Variants in ACBD6 observed in about 807,000 individuals in gnomAD.
The protein encoded by ACBD6 is acyl-CoA binding domain containing 6.
ACBD6 carries 28 observed loss-of-function variants against 37.2 expected under a neutral mutation model. The ratio of observed to expected loss-of-function variants is 0.75; its 90% CI spans 0.56 to 1.03. ACBD6 has a LOEUF of 1.03. Among genes scored for constraint, ACBD6 ranks in the 50% least tolerant of loss-of-function variants. The pLI, the probability that ACBD6 is intolerant of heterozygous loss-of-function variation, is 0.00. For synonymous variants in ACBD6, 113 were observed against 126.8 expected (o/e 0.89, Z 0.73); for missense variants, 340 against 337.4 (o/e 1.01, Z -0.06).
intron 4 of ACBD6, among the ~76,000 whole-genome samples, chr1:180,413,728 T>A (rs1647959749): frequency 6.6e-6 from 1 of 152,040 alleles, no homozygotes; most frequent in East Asian, 1.9e-4. Context: ...ATGAAAGTGA[T>A]TTTCTTAAAG....
At chr1:180,423,528 C>T (rs1648458347) in intron 4 of ACBD6, among the ~76,000 whole-genome samples, 2 of 152,054 alleles carry the variant, frequency 1.3e-5, no homozygotes, top group Non-Finnish European at 2.9e-5. Context: ...ATACTATTTA[C>T]GTTGGTAAGG....
intron 3 of ACBD6, among the ~76,000 whole-genome samples, chr1:180,472,361 C>G (rs1244267146): frequency 6.6e-6 from 1 of 152,150 alleles, no homozygotes; most frequent in Admixed American, 6.5e-5. Context: ...CAGAGGACAA[C>G]AGTATTGTGA....
rs1322096985 is a variant in ACBD6 at position 180,430,208 on chromosome 1, TA to T, written c.438del (p.Ser147ValfsTer28). ...EANTGFGGPV[I>X]SSLYHEETIR... ...ATGGTTTCTTCATGATATAGAGAAC[TA>T]ATAACTGGCCCACCAAAACCTGTAT... On this transcript the variant is annotated frameshift_variant, in exon 4 of 8. Coordinates refer to ENST00000367595, the MANE Select transcript of ACBD6 (RefSeq NM_032360.4). LOFTEE classifies it high-confidence loss of function. 1.2e-6 allele frequency: 2 copies of T among 1,613,480 alleles called. No individual in the cohort carries two copies. The highest frequency in any genetic ancestry group is 2.2e-5 in the South Asian group (2 of 91,078).
In ACBD6 at chr1:180,281,305, C is replaced by T. The variant is rs1374946791; in HGVS notation, c.*174+1G>A. On this transcript the variant is annotated splice_donor_variant, in intron 9 of 13. Transcript: ENST00000642319. LOFTEE classifies it low-confidence loss of function (3UTR_SPLICE). ...GCCAGAAAGAAGTAAGCAAGACTCA[C>T]TCAGGAGAACAAATGGAAGCTCCGC... 1 of 152,210 alleles carries T rather than the reference C, an allele frequency of 6.6e-6. No homozygotes were observed. Among genetic ancestry groups the T allele is most frequent in the Non-Finnish European group, 1.5e-5 (1 of 68,050 alleles). 9.4% of individuals were successfully genotyped at this position (152,210 alleles called of 1,614,324 possible).
chr1:180,467,614 G>A (rs1039683888), intron 3 of ACBD6, among the ~76,000 whole-genome samples: 2 of 151,930 alleles, frequency 1.3e-5, no homozygotes, highest in Non-Finnish European at 2.9e-5. Context: ...TCACGCTACT[G>A]CACCGCAGCT....
At chr1:180,303,691 G>C (rs1330019929) in intron 7 of ACBD6, among the ~76,000 whole-genome samples, 2 of 150,788 alleles carry the variant, frequency 1.3e-5, no homozygotes, top group African/African-American at 4.8e-5. Context: ...GGAGGAGCTG[G>C]TACCATTCCT....
intron 6 of ACBD6, among the ~76,000 whole-genome samples, chr1:180,387,477 G>C (rs990137735): frequency 1.3e-5 from 2 of 152,146 alleles, no homozygotes; most frequent in African/African-American, 4.8e-5. Context: ...GCTACCTCTG[G>C]GCAGGAGATG....
chr1:180,386,373 A>G (rs1422204351), intron 6 of ACBD6, among the ~76,000 whole-genome samples: 1 of 151,968 alleles, frequency 6.6e-6, no homozygotes, highest in Non-Finnish European at 1.5e-5. Context: ...TAATTTTCCA[A>G]AGCTTGATTT....
At chr1:180,501,507 G>A (rs1388083497) in intron 1 of ACBD6, among the ~76,000 whole-genome samples, 1 of 152,086 alleles carries the variant, frequency 6.6e-6, no homozygotes, top group African/African-American at 2.4e-5. Context: ...TAGTAGAGAC[G>A]GGGTTTCTCC....
intron 6 of ACBD6, among the ~76,000 whole-genome samples, chr1:180,366,821 C>T (rs946824515): frequency 1.6e-4 from 24 of 152,098 alleles, no homozygotes; most frequent in Non-Finnish European, 2.6e-4. Flanking sequence ...GAACTTATTA[C>T]TATATCCTCA....
intron 7 of ACBD6, among the ~76,000 whole-genome samples, chr1:180,298,408 C>G (rs1012838786): frequency 1.3e-4 from 20 of 152,086 alleles, no homozygotes; most frequent in African/African-American, 4.1e-4. Context: ...CCAACAGTTA[C>G]GCGAGAAGAT....
At position 180,385,835 on chromosome 1, in the gene ACBD6, C is replaced by T. The variant is rs143498806; in HGVS notation, c.663+11681G>A. ...ATTCAGTCTGTGTATTTTGTTACAGCGGACCAAGTAGACTAACACATACAC... is the reference window on the plus strand; with the variant it reads ...ATTCAGTCTGTGTATTTTGTTACAGTGGACCAAGTAGACTAACACATACAC... On this transcript the variant is annotated intron_variant, in intron 6 of 7. Transcript: ENST00000367595. 1.9e-3 allele frequency among the ~76,000 whole-genome samples: 284 copies of T among 152,216 alleles called. 1 individual carries two copies. Among genetic ancestry groups the T allele is most frequent in the African/African-American group, 6.3e-3 (261 of 41,524 alleles).
chr1:180,392,608 T>C (rs991281597), intron 6 of ACBD6, among the ~76,000 whole-genome samples: 1 of 152,168 alleles, frequency 6.6e-6, no homozygotes, highest in Non-Finnish European at 1.5e-5. Flanking sequence ...CATTATGGCA[T>C]TGATGCAATG....
chr1:180,402,435 C>A (rs923344363), intron 5 of ACBD6, among the ~76,000 whole-genome samples: 1 of 152,156 alleles, frequency 6.6e-6, no homozygotes, highest in Non-Finnish European at 1.5e-5. Context: ...ACTACTGGAT[C>A]TTGATCTCTT....
At chr1:180,311,051 G>C (rs892171672) in intron 7 of ACBD6, among the ~76,000 whole-genome samples, 19 of 152,196 alleles carry the variant, frequency 1.2e-4, no homozygotes, top group Non-Finnish European at 7.4e-5. Context: ...TTTGACAACA[G>C]AGATAGTGTT....
chr1:180,417,713 C>T (rs1648155866), intron 4 of ACBD6, among the ~76,000 whole-genome samples: 1 of 152,090 alleles, frequency 6.6e-6, no homozygotes, highest in African/African-American at 2.4e-5. Flanking sequence ...CTTTTTTCTA[C>T]ATCTTTGAGG....
At chr1:180,394,605 A>G (rs944136542) in intron 6 of ACBD6, among the ~76,000 whole-genome samples, 5 of 152,202 alleles carry the variant, frequency 3.3e-5, no homozygotes, top group Admixed American at 1.3e-4. Context: ...AAATACATGA[A>G]CAGAAAACCA....
intron 8 of ACBD6, among the ~76,000 whole-genome samples, chr1:180,282,969 T>TC (rs1649355540): frequency 8.1e-6 from 1 of 123,062 alleles, no homozygotes; most frequent in Non-Finnish European, 1.6e-5. Context: ...TATATGTCTT[T>TC]CTGTTTTTTT....
At chr1:180,400,040 C>T (rs1280331938) in intron 5 of ACBD6, among the ~76,000 whole-genome samples, 1 of 152,128 alleles carries the variant, frequency 6.6e-6, no homozygotes, top group Non-Finnish European at 1.5e-5. Flanking sequence ...CAGCCACGTT[C>T]CTGAATTTTC....
Sources: gnomAD v4.1 joint callset for allele counts (sites outside exome capture counted in the v4.1 genomes callset) on GRCh38, gnomAD v4.1.1 for gene constraint, MANE v1.5 for transcripts, NCBI Gene and HGNC (gene_info 2026-07-23, HGNC 2026-07-21) for gene names.